Variants in DPP10 observed in about 807,000 individuals in gnomAD.
The protein encoded by DPP10 is dipeptidyl peptidase like 10.
A neutral mutation model predicts 120.9 loss-of-function variants in DPP10; 33 were observed. That is an observed-to-expected ratio of 0.27 (90% CI 0.21 to 0.37). The LOEUF (loss-of-function observed/expected upper bound fraction) is 0.37, where lower values mean the gene tolerates loss of function less well. DPP10 is among the 10% of genes least tolerant of loss of function. DPP10 has a pLI of 1.00. For synonymous variants in DPP10, 337 were observed against 326.1 expected, an observed-to-expected ratio of 1.03 and a Z score of -0.36; for missense variants, 816 against 942.8, an observed-to-expected ratio of 0.87 and a Z score of 1.76.
intron 1 of DPP10, among the ~76,000 whole-genome samples, chr2:114,592,017 T>C (rs1012588481): frequency 6.8e-6 from 1 of 147,366 alleles, no homozygotes; most frequent in Admixed American, 6.7e-5. Context: ...ACAATAGTGA[T>C]GCATGCAGAC....
At chr2:114,731,636 G>A (rs1676924500) in intron 1 of DPP10, among the ~76,000 whole-genome samples, 1 of 152,150 alleles carries the variant, frequency 6.6e-6, no homozygotes, top group Admixed American at 6.5e-5. Flanking sequence ...TACAAAGATA[G>A]CCATTCTGTA....
intron 1 of DPP10, among the ~76,000 whole-genome samples, chr2:115,278,465 G>A (rs989255530): frequency 6.6e-6 from 1 of 152,034 alleles, no homozygotes; most frequent in African/African-American, 2.4e-5. Flanking sequence ...TGCTATAAAG[G>A]CATACATGAG....
chr2:115,532,601 T>G (rs2078538841), intron 5 of DPP10, among the ~76,000 whole-genome samples: 1 of 152,170 alleles, frequency 6.6e-6, no homozygotes, highest in South Asian at 2.1e-4. Flanking sequence ...TTAGACATTT[T>G]ATTTTTGTAT....
At chr2:115,629,140 C>T (rs567318516) in intron 5 of DPP10, among the ~76,000 whole-genome samples, 6 of 152,190 alleles carry the variant, frequency 3.9e-5, no homozygotes, top group East Asian at 1.9e-4. Context: ...ACAGAGGACA[C>T]GAACTCATCC....
chr2:114,982,171 A>C (rs1700128989), intron 1 of DPP10, among the ~76,000 whole-genome samples: 2 of 152,200 alleles, frequency 1.3e-5, no homozygotes, highest in African/African-American at 4.8e-5. Flanking sequence ...AAAAATAAAA[A>C]AACACTTTCA....
At chr2:115,133,293 G>A (rs72837521) in intron 1 of DPP10, among the ~76,000 whole-genome samples, 8,808 of 148,422 alleles carry the variant, frequency 0.059, 380 homozygotes, top group East Asian at 0.24. Flanking sequence ...GCAAAACTCC[G>A]TCTAAAACAA....
intron 1 of DPP10, among the ~76,000 whole-genome samples, chr2:114,752,014 G>A (rs889513114): frequency 6.6e-6 from 1 of 152,228 alleles, no homozygotes; most frequent in Admixed American, 6.5e-5. Flanking sequence ...ACCACAGCAT[G>A]TGCAGCATGG....
chr2:114,859,947 A>T (rs1689680352), intron 1 of DPP10, among the ~76,000 whole-genome samples: 1 of 152,214 alleles, frequency 6.6e-6, no homozygotes, highest in Non-Finnish European at 1.5e-5. Flanking sequence ...TACTCAGCAG[A>T]CATAGGGTGG....
intron 1 of DPP10, among the ~76,000 whole-genome samples, chr2:114,978,490 A>G (rs903884632): frequency 3.3e-5 from 5 of 152,144 alleles, no homozygotes; most frequent in African/African-American, 7.2e-5. Flanking sequence ...TTGGTGCAAT[A>G]TACTTGTCTA....
At chr2:115,295,483 A>C (rs2060843782) in intron 1 of DPP10, among the ~76,000 whole-genome samples, 1 of 152,094 alleles carries the variant, frequency 6.6e-6, no homozygotes, top group African/African-American at 2.4e-5. Flanking sequence ...AATGGCTAAT[A>C]ACCGTCACAG....
intron 1 of DPP10, among the ~76,000 whole-genome samples, chr2:114,966,829 G>A (rs931591761): frequency 2.0e-5 from 3 of 152,094 alleles, no homozygotes; most frequent in African/African-American, 7.2e-5. Flanking sequence ...GTCACTTGAG[G>A]TCAGGAGTTT....
chr2:114,559,253 A>G (rs901578966), intron 1 of DPP10, among the ~76,000 whole-genome samples: 1 of 152,206 alleles, frequency 6.6e-6, no homozygotes, highest in Admixed American at 6.5e-5. Flanking sequence ...TGTTAGGTAC[A>G]ATATAATCAC....
At chr2:115,495,365 G>GGAAAAAA (rs10649835) in intron 3 of DPP10, among the ~76,000 whole-genome samples, 2 of 82,240 alleles carry the variant, frequency 2.4e-5, no homozygotes, top group African/African-American at 9.0e-5. Flanking sequence ...GCCATTTTCT[G>GGAAAAAA]AAAAAAAAAA....
intron 5 of DPP10, among the ~76,000 whole-genome samples, chr2:115,650,259 A>G (rs778115226): frequency 7.2e-5 from 11 of 152,162 alleles, no homozygotes; most frequent in Non-Finnish European, 1.5e-4. Context: ...ACTTGAATCC[A>G]TGTGTTGCAA....
At chr2:115,753,118 G>A in intron 10 of DPP10, 56 bp from the exon 11 acceptor site, 1 of 1,536,066 alleles carries the variant, frequency 6.5e-7, no homozygotes, top group Admixed American at 1.8e-5. Flanking sequence ...TATATTGTTG[G>A]TACTATATCA....
Position 114,639,444 on chromosome 2 carries a change from A to G in DPP10, c.60+196606A>G, listed in dbSNP as rs564680707. 2.6e-5 allele frequency among the ~76,000 whole-genome samples: 4 copies of G among 151,948 alleles called. No homozygotes were observed. The South Asian group carries it at 8.3e-4, about 32-fold the overall frequency. On this transcript the variant is annotated intron_variant, in intron 1 of 25. Transcript: ENST00000410059. ...CAAACTATATCACAGTAGAAGCTAA[A>G]CATTGGGTACTCATGGACATAAACA...
chr2:115,779,751 G>T (rs1404162434), intron 15 of DPP10, among the ~76,000 whole-genome samples: 1 of 151,894 alleles, frequency 6.6e-6, no homozygotes, highest in Non-Finnish European at 1.5e-5. Flanking sequence ...AATGACAAAT[G>T]TTATGTTATA....
intron 5 of DPP10, among the ~76,000 whole-genome samples, chr2:115,646,128 C>A (rs1480496584): frequency 6.6e-6 from 1 of 151,972 alleles, no homozygotes; most frequent in East Asian, 1.9e-4. Flanking sequence ...ACACACACTT[C>A]TTTGCCCTCT....
chr2:115,155,562 T>C (rs560137984), intron 1 of DPP10, among the ~76,000 whole-genome samples: 1 of 152,354 alleles, frequency 6.6e-6, no homozygotes, highest in Non-Finnish European at 1.5e-5. Context: ...ATCATATCTG[T>C]AATAGATTCC....
Sources: allele counts gnomAD v4.1 joint callset (sites outside exome capture counted in the v4.1 genomes callset), GRCh38; gene constraint gnomAD v4.1.1; transcripts MANE v1.5; gene names NCBI Gene and HGNC (gene_info 2026-07-23, HGNC 2026-07-21).